The following DHRSX variants were observed in gnomAD, a reference collection of about 807,000 sequenced individuals.
DHRSX encodes dehydrogenase/reductase X-linked.
A neutral mutation model predicts 34.0 loss-of-function variants in DHRSX; 31 were observed. The ratio of observed to expected loss-of-function variants is 0.91; its 90% confidence interval spans 0.69 to 1.23. The LOEUF is 1.23. Ranked by LOEUF, DHRSX falls within the 50% of genes most tolerant of loss-of-function variation. The pLI is 0.00. For synonymous variants in DHRSX, 201 were observed against 183.8 expected, an observed-to-expected ratio of 1.09 and a Z score of -0.76; for missense variants, 414 against 428.1, an observed-to-expected ratio of 0.97 and a Z score of 0.29.
At chrX:2,297,774 T>TTTTTTTTTTTTGA (rs1296246349) in intron 3 of DHRSX, among the ~76,000 whole-genome samples, 7 of 149,108 alleles carry the variant, frequency 4.7e-5, no homozygotes, top group African/African-American at 1.7e-4. Context: ...TTTTTTTTTT[T>TTTTTTTTTTTTGA]GACAAAGTCT....
rs371214650 is a variant in DHRSX, at chrX:2,488,879, G to A, written c.109+11938C>T. ...GAAGAGACGCTCAGGGGCGACGCGCGTGGCCGTCACGCACCAGTACTTCTG... is the reference window on the plus strand; with the variant it reads ...GAAGAGACGCTCAGGGGCGACGCGCATGGCCGTCACGCACCAGTACTTCTG... On this transcript the variant is annotated intron_variant, in intron 1 of 6. Coordinates refer to ENST00000334651, the MANE Select transcript of DHRSX (RefSeq NM_145177.3). 32 of 1,612,170 alleles carry A rather than the reference G, an allele frequency of 2.0e-5. No homozygotes were observed. In the Middle Eastern group the frequency reaches 1.3e-3, roughly 67 times the overall value.
At chrX:2,500,975 GCGCC>G in exon 1 of DHRSX, 3 of 949,514 alleles carry the variant, frequency 3.2e-6, no homozygotes, top group Non-Finnish European at 3.8e-6. Flanking sequence ...GCGGGACTCT[GCGCC>G]CGCCCGCCCG....
intron 1 of DHRSX, among the ~76,000 whole-genome samples, chrX:2,438,393 C>G (rs1266581283): frequency 6.6e-6 from 1 of 150,454 alleles, no homozygotes; most frequent in Non-Finnish European, 1.5e-5. Flanking sequence ...AAACCGGCCA[C>G]GTGCAGTGGC....
chrX:2,435,952 T>C (rs1030279489), intron 1 of DHRSX, among the ~76,000 whole-genome samples: 1 of 152,132 alleles, frequency 6.6e-6, no homozygotes, highest in African/African-American at 2.4e-5. Flanking sequence ...CCCAGCACTT[T>C]GGGAGGCCGA....
chrX:2,459,524 G>A (rs1603121479), intron 1 of DHRSX, among the ~76,000 whole-genome samples: 1 of 140,098 alleles, frequency 7.1e-6, no homozygotes, highest in Non-Finnish European at 1.5e-5. Flanking sequence ...CATAGAGAGA[G>A]AGAGAGAGAG....
chrX:2,314,475 A>G (rs66786263), intron 3 of DHRSX, among the ~76,000 whole-genome samples: 1,634 of 65,760 alleles, frequency 0.025, 121 homozygotes, highest in African/African-American at 0.06. Flanking sequence ...GGGGAGAAGG[A>G]AGGAAGGAAG....
intron 3 of DHRSX, among the ~76,000 whole-genome samples, chrX:2,326,825 T>G (rs1166135130): frequency 6.8e-6 from 1 of 147,432 alleles, no homozygotes; most frequent in Non-Finnish European, 1.5e-5. Flanking sequence ...TTTTTTTTTC[T>G]TTCCAGGCAG....
chrX:2,283,340 C>T (rs73185742), intron 4 of DHRSX, among the ~76,000 whole-genome samples: 2 of 151,908 alleles, frequency 1.3e-5, no homozygotes, highest in African/African-American at 4.8e-5. Flanking sequence ...GAGGAAACCA[C>T]TACGGAACAG....
At chrX:2,317,313 G>A (rs868394253) in intron 3 of DHRSX, among the ~76,000 whole-genome samples, 5 of 141,038 alleles carry the variant, frequency 3.5e-5, no homozygotes, top group Admixed American at 7.4e-5. Flanking sequence ...GTGCAGTGGC[G>A]CAGTCTCAGC....
chrX:2,402,718 T>C (rs1467184947), intron 3 of DHRSX, among the ~76,000 whole-genome samples: 4 of 151,790 alleles, frequency 2.6e-5, no homozygotes, highest in South Asian at 2.1e-4. Flanking sequence ...AAAAAAAAAA[T>C]TGCATGCACA....
chrX:2,499,601 T>A (rs2045362345), intron 1 of DHRSX, among the ~76,000 whole-genome samples: 1 of 151,840 alleles, frequency 6.6e-6, no homozygotes, highest in South Asian at 2.1e-4. Context: ...TGAGATGCCA[T>A]CTCTACAAAA....
chrX:2,249,513 C>CTTTTTTTTTTTTTTTTTT (rs753035485), intron 5 of DHRSX, among the ~76,000 whole-genome samples: 7 of 70,194 alleles, frequency 1.0e-4, no homozygotes, highest in African/African-American at 3.3e-4. Flanking sequence ...CTTTTTGTGC[C>CTTTTTTTTTTTTTTTTTT]TTTTTTTTTT....
chrX:2,440,118 T>A (rs763227766), intron 1 of DHRSX, among the ~76,000 whole-genome samples: 47 of 152,252 alleles, frequency 3.1e-4, no homozygotes, highest in Admixed American at 8.5e-4. Flanking sequence ...GAAAACAAGG[T>A]CAGTAGCATC....
chrX:2,238,751 T>G (rs1288481168), intron 6 of DHRSX, among the ~76,000 whole-genome samples: 3 of 97,464 alleles, frequency 3.1e-5, no homozygotes, highest in Admixed American at 1.1e-4. Context: ...ACTCGGCTAA[T>G]TTTTTTTTTT....
intron 3 of DHRSX, among the ~76,000 whole-genome samples, chrX:2,382,828 CCAT>C (rs1569495773): frequency 1.4e-5 from 2 of 145,142 alleles, no homozygotes; most frequent in African/African-American, 2.6e-5. Flanking sequence ...ACCATCATCA[CCAT>C]CATCATCGCC....
At position 2,396,254 on chromosome X, in the gene DHRSX, G is replaced by A. The variant is rs139971597; in HGVS notation, c.286+12491C>T. ...TTGAGATCCTTAACTAATTACATCTGCAAAGACCCTATTTCCAAATAAGTT... is the reference window on the plus strand; with the variant it reads ...TTGAGATCCTTAACTAATTACATCTACAAAGACCCTATTTCCAAATAAGTT... On this transcript the variant is annotated intron_variant, in intron 3 of 6. Coordinates refer to ENST00000334651, the MANE Select transcript of DHRSX (RefSeq NM_145177.3). Among the ~76,000 whole-genome samples the A allele has an allele frequency of 4.1e-3, 617 of 152,126 alleles. 2 individuals are homozygous for A. Among genetic ancestry groups the A allele is most frequent in the Non-Finnish European group, 6.5e-3 (440 of 68,000 alleles).
At chrX:2,273,491 C>T (rs2041585036) in intron 4 of DHRSX, among the ~76,000 whole-genome samples, 1 of 152,124 alleles carries the variant, frequency 6.6e-6, no homozygotes, top group South Asian at 2.1e-4. Flanking sequence ...GCACTAAGCT[C>T]TGGGTATGCT....
intron 3 of DHRSX, among the ~76,000 whole-genome samples, chrX:2,306,788 A>G (rs1307145894): frequency 7.9e-5 from 12 of 152,092 alleles, no homozygotes. Flanking sequence ...TTTGGTATCA[A>G]GATGATACAG....
chrX:2,410,463 A>C (rs1223613080), intron 2 of DHRSX, among the ~76,000 whole-genome samples: 1 of 152,178 alleles, frequency 6.6e-6, no homozygotes, highest in Non-Finnish European at 1.5e-5. Flanking sequence ...CGGGCCAGTG[A>C]GGTGTTCTGT....
Sources: allele counts gnomAD v4.1 joint callset (sites outside exome capture counted in the v4.1 genomes callset), GRCh38; gene constraint gnomAD v4.1.1; transcripts MANE v1.5; gene names NCBI Gene and HGNC (gene_info 2026-07-23, HGNC 2026-07-21).